The following RALGAPA1 variants were observed in gnomAD, a reference collection of about 807,000 sequenced individuals.
The protein encoded by RALGAPA1 is ral GTPase-activating protein subunit alpha-1.
Under a neutral mutation model 269.6 loss-of-function variants are expected in RALGAPA1, and 52 were observed. The ratio of observed to expected loss-of-function variants is 0.19; its 90% confidence interval spans 0.15 to 0.24. The LOEUF (loss-of-function observed/expected upper bound fraction) is 0.24, where lower values mean the gene tolerates loss of function less well. Among genes scored for constraint, RALGAPA1 ranks in the 10% least tolerant of loss-of-function variants. The pLI, the probability that RALGAPA1 is intolerant of heterozygous loss-of-function variation, is 1.00. For missense variants in RALGAPA1, 1,917 were observed against 3,013.9 expected, an observed-to-expected ratio of 0.64 and a Z score of 8.52; for synonymous variants, 817 against 1,008.3, an observed-to-expected ratio of 0.81 and a Z score of 3.60.
intron 3 of RALGAPA1, among the ~76,000 whole-genome samples, chr14:35,772,337 T>C (rs1202215744): frequency 1.3e-5 from 2 of 152,212 alleles, no homozygotes; most frequent in African/African-American, 4.8e-5. Flanking sequence ...ATTACAAGCA[T>C]GAGCCACTGC....
At chr14:35,637,998 C>T (rs1021023812) in intron 31 of RALGAPA1, among the ~76,000 whole-genome samples, 2 of 152,186 alleles carry the variant, frequency 1.3e-5, no homozygotes. Context: ...AGAAGAAATA[C>T]AGACTTTCCC....
intron 37 of RALGAPA1, among the ~76,000 whole-genome samples, chr14:35,579,016 G>A (rs2057768530): frequency 1.3e-5 from 2 of 152,198 alleles, no homozygotes; most frequent in Non-Finnish European, 2.9e-5. Context: ...ATAGGGTAAT[G>A]TGATAAAGTT....
chr14:35,621,948 C>T (rs1319474862), intron 35 of RALGAPA1, among the ~76,000 whole-genome samples: 2 of 152,166 alleles, frequency 1.3e-5, no homozygotes, highest in Non-Finnish European at 2.9e-5. Flanking sequence ...TTGTGGAAGA[C>T]AGTGTGGCGA....
intron 21 of RALGAPA1, chr14:35,683,512 C>T: frequency 4.8e-6 from 1 of 207,188 alleles, no homozygotes; most frequent in Non-Finnish European, 9.7e-6. Context: ...TATACATATA[C>T]ATCTATTATG....
chr14:35,682,647 G>C (rs1014006573), intron 21 of RALGAPA1, among the ~76,000 whole-genome samples: 2 of 151,838 alleles, frequency 1.3e-5, no homozygotes, highest in African/African-American at 4.8e-5. Flanking sequence ...TGCGTAGTAG[G>C]GTCTCATTGT....
intron 35 of RALGAPA1, among the ~76,000 whole-genome samples, chr14:35,621,326 C>T (rs2060610172): frequency 6.6e-6 from 1 of 152,148 alleles, no homozygotes; most frequent in East Asian, 1.9e-4. Flanking sequence ...AAAGCTGAAA[C>T]TGGATCCCTT....
At chr14:35,634,781 C>T (rs766923684) in intron 32 of RALGAPA1, 24 bp from the exon 33 acceptor site, 2 of 1,538,346 alleles carry the variant, frequency 1.3e-6, no homozygotes, top group South Asian at 2.6e-5. Flanking sequence ...GGGAAACACC[C>T]AGTTTTACTT....
intron 1 of RALGAPA1, among the ~76,000 whole-genome samples, chr14:35,792,332 T>C (rs187272407): frequency 3.3e-4 from 50 of 152,168 alleles, no homozygotes; most frequent in Admixed American, 1.2e-3. Context: ...AATTTTTGTA[T>C]TTTCAGTAGA....
intron 16 of RALGAPA1, 121 bp from the exon 17 acceptor site, chr14:35,700,423 T>G: frequency 1.9e-5 from 12 of 639,038 alleles, no homozygotes; most frequent in East Asian, 3.2e-5. Context: ...AAGGAAATTA[T>G]AAATTAAAAC....
chr14:35,696,735 T>C (rs1009275123), intron 17 of RALGAPA1, among the ~76,000 whole-genome samples: 3 of 152,218 alleles, frequency 2.0e-5, no homozygotes, highest in African/African-American at 4.8e-5. Flanking sequence ...AGTCGTTTCA[T>C]TGAGGTTTTT....
intron 16 of RALGAPA1, among the ~76,000 whole-genome samples, chr14:35,704,006 T>A (rs1384172259): frequency 6.6e-6 from 1 of 152,028 alleles, no homozygotes; most frequent in Non-Finnish European, 1.5e-5. Flanking sequence ...ATACAAAAAA[T>A]AAACATGAGG....
chr14:35,735,493 T>A (rs951738201), intron 12 of RALGAPA1, among the ~76,000 whole-genome samples: 3 of 152,150 alleles, frequency 2.0e-5, no homozygotes, highest in Non-Finnish European at 4.4e-5. Context: ...CTCACTGATA[T>A]GTGGGAGCTA....
chr14:35,624,207 G>GT (rs1304095198), intron 35 of RALGAPA1, among the ~76,000 whole-genome samples: 3 of 72,892 alleles, frequency 4.1e-5, no homozygotes, highest in African/African-American at 1.1e-4. Context: ...TTCCAGTTCC[G>GT]TAAAAAAAAA....
intron 31 of RALGAPA1, among the ~76,000 whole-genome samples, chr14:35,643,245 T>A (rs2062153220): frequency 6.6e-6 from 1 of 152,066 alleles, no homozygotes; most frequent in Non-Finnish European, 1.5e-5. Context: ...GACGAGTTAA[T>A]GGGTGCAGCA....
chr14:35,563,169 C>T (rs1013114386), intron 39 of RALGAPA1, among the ~76,000 whole-genome samples: 3 of 151,078 alleles, frequency 2.0e-5, no homozygotes, highest in African/African-American at 7.3e-5. Context: ...GTTAGTGAAA[C>T]AAGGAGGGTA....
At chr14:35,693,181 T>C (rs772947847) in intron 17 of RALGAPA1, among the ~76,000 whole-genome samples, 5 of 151,788 alleles carry the variant, frequency 3.3e-5, no homozygotes, top group Non-Finnish European at 7.4e-5. Context: ...TTAATTGTAT[T>C]ATTAAAAAAC....
chr14:35,688,828 T>C lies in RALGAPA1; in HGVS notation c.3583A>G (p.Asn1195Asp). 4 of 1,335,838 alleles carry C rather than the reference T, an allele frequency of 3.0e-6. No individual in the cohort carries two copies. The highest frequency in any genetic ancestry group is 2.9e-6 in the Non-Finnish European group (3 of 1,046,888). The allele number at this position is 1,335,838 out of a possible 1,614,324, so 82.7% of individuals were successfully genotyped here. ...SSGSSNSSTS[N>D]THTSTNSATE... The stretch of plus-strand genomic sequence containing the variant: ...GCACTATTTGTGCTGGTATGGGTGT[T>C]GCTAGTGCTGCTATTGCTGCTACCA... Residue 1195 changes from asparagine (N) to aspartate (D), a missense_variant, in exon 18 of 42, where the codon AAC (asparagine) becomes GAC (aspartate). Asn to Asp is a conservative substitution (Grantham distance 23). This residue lies in a region of RALGAPA1 where 615 missense variants were observed against 790.0 expected (regional missense o/e 0.78). Coordinates refer to ENST00000680220, the MANE Select transcript of RALGAPA1 (RefSeq NM_001346249.2).
intron 4 of RALGAPA1, among the ~76,000 whole-genome samples, chr14:35,767,917 T>A (rs1449808149): frequency 4.6e-5 from 7 of 152,060 alleles, no homozygotes; most frequent in African/African-American, 1.7e-4. Flanking sequence ...TGGGACGACA[T>A]GAAGGAGTCA....
intron 12 of RALGAPA1, among the ~76,000 whole-genome samples, chr14:35,730,386 C>T (rs2070364949): frequency 6.6e-6 from 1 of 152,188 alleles, no homozygotes; most frequent in Non-Finnish European, 1.5e-5. Flanking sequence ...AGCCTCCTGG[C>T]CAGAACTCAA....
Sources: gnomAD v4.1 joint callset for allele counts (sites outside exome capture counted in the v4.1 genomes callset) on GRCh38, gnomAD v4.1.1 for gene constraint, gnomAD v4.1.1 regional missense constraint, MANE v1.5 for transcripts, NCBI Gene and HGNC (gene_info 2026-07-23, HGNC 2026-07-21) for gene names.